Variants in MYCBP2 observed in about 807,000 individuals in gnomAD.
MYCBP2 encodes E3 ubiquitin-protein ligase MYCBP2.
MYCBP2 carries 120 observed loss-of-function variants against 525.3 expected under a neutral mutation model. The ratio of observed to expected loss-of-function variants is 0.23; its 90% confidence interval spans 0.20 to 0.27. The LOEUF (loss-of-function observed/expected upper bound fraction) is 0.27. Ranked by LOEUF, MYCBP2 falls within the 10% of genes least tolerant of loss-of-function variation. The pLI is 1.00. For synonymous variants in MYCBP2, 1,894 were observed against 1,955.8 expected (o/e 0.97, Z 0.83); for missense variants, 4,149 against 5,657.1 (o/e 0.73, Z 8.55).
At chr13:77,267,805 T>C (rs764292887) in intron 8 of MYCBP2, 36 bp downstream of exon 8, 3 of 1,471,592 alleles carry the variant, frequency 2.0e-6, no homozygotes, top group South Asian at 1.1e-5. Flanking sequence ...TTTCTTAAAA[T>C]TGCTTGTGGA....
At position 77,095,428 on chromosome 13, in the gene MYCBP2, T is replaced by C; in HGVS notation, c.10129A>G (p.Ser3377Gly). The part of the protein sequence containing the change: ...PAKPFQSQLP[S>G]VKEGISEDLP... ...TCCTCAGAAATGCCTTCTTTTACAC[T>C]GGGCAACTGAGATTGGAATGGCTTT... is the stretch of plus-strand genomic sequence containing the variant. Residue 3377 changes from serine (S) to glycine (G), a missense_variant, in exon 58 of 83, where the codon AGT becomes GGT. Physicochemically the swap from Ser to Gly is moderately conservative, Grantham distance 56. Transcript: ENST00000544440. 2 of 1,613,562 alleles carry C rather than the reference T, an allele frequency of 1.2e-6. No homozygotes were observed. Among genetic ancestry groups the C allele is most frequent in the Middle Eastern group, 1.7e-4 (1 of 6,054 alleles).
Position 77,201,643 on chromosome 13 carries a change from G to A in MYCBP2, c.3843+3613C>T, listed in dbSNP as rs564525831. ...TCCAAAATTGACCACATACTTGGAA[G>A]TAAAGCTCTCCTCAGCAAATGTAAA... On this transcript the variant is annotated intron_variant, in intron 26 of 82. Coordinates refer to ENST00000544440, the MANE Select transcript of MYCBP2 (RefSeq NM_015057.5). Among the ~76,000 whole-genome samples the A allele has an allele frequency of 7.3e-5, 11 of 150,928 alleles. No homozygotes were observed. The East Asian group carries it at 1.8e-3, about 24-fold the overall frequency.
At chr13:77,194,273 T>C in intron 26 of MYCBP2, 29 bp from the exon 27 acceptor site, 2 of 1,508,340 alleles carry the variant, frequency 1.3e-6, no homozygotes, top group African/African-American at 1.4e-5. Context: ...CAATCATTTA[T>C]ATAAATCAGC....
chr13:77,118,286 T>C, intron 55 of MYCBP2: 1 of 686,604 alleles, frequency 1.5e-6, no homozygotes, highest in Non-Finnish European at 2.6e-6. Context: ...GATAAGCAAC[T>C]CAGAACAAAG....
At chr13:77,163,107 A>T (rs546476781) in intron 43 of MYCBP2, among the ~76,000 whole-genome samples, 26 of 152,262 alleles carry the variant, frequency 1.7e-4, no homozygotes, top group Middle Eastern at 3.4e-3. Context: ...TACTTATTTA[A>T]CCAGTTCCCA....
chr13:77,099,016 G>C lies in MYCBP2; in HGVS notation c.8141-3C>G, dbSNP rs1566520890. ...TGTTGAGATGTTTCCTCGATCACCT[G>C]TATGGTCCATTTTACAGTGAAACTT... On this transcript the variant is annotated splice_region_variant and splice_polypyrimidine_tract_variant and intron_variant, in intron 55 of 82. Coordinates refer to ENST00000544440, the MANE Select transcript of MYCBP2 (RefSeq NM_015057.5). 6.2e-7 allele frequency: 1 copy of C among 1,601,236 alleles called. No individual in the cohort carries two copies. Among genetic ancestry groups the C allele is most frequent in the Admixed American group, 1.7e-5 (1 of 59,344 alleles).
At chr13:77,228,061 A>G (rs1302990313) in intron 18 of MYCBP2, among the ~76,000 whole-genome samples, 1 of 151,952 alleles carries the variant, frequency 6.6e-6, no homozygotes, top group Admixed American at 6.6e-5. Flanking sequence ...TATTTTATAT[A>G]TATATCTGTA....
chr13:77,067,544 A>G (rs952361822), intron 71 of MYCBP2, 37 bp downstream of exon 71: 14 of 1,599,834 alleles, frequency 8.8e-6, no homozygotes, highest in South Asian at 1.1e-5. Flanking sequence ...AGCTCACTCT[A>G]TTCTGTTTTG....
At chr13:77,124,443 T>A (rs1398019557) in intron 54 of MYCBP2, among the ~76,000 whole-genome samples, 1 of 152,204 alleles carries the variant, frequency 6.6e-6, no homozygotes, top group Non-Finnish European at 1.5e-5. Flanking sequence ...CCTAACTTCA[T>A]CCTATAAATT....
chr13:77,225,475 C>T lies in MYCBP2; in HGVS notation c.2817G>A (p.Glu939=). The T allele has an allele frequency of 1.9e-6, 3 of 1,613,798 alleles. No individual in the cohort carries two copies. In the African/African-American group the frequency reaches 4.0e-5, roughly 22 times the overall value. ...YPPGSVRFDC[E]LRAVQVSCGF... is the part of the protein sequence containing the mutation. Reference sequence around the variant, plus strand: ...CACAGCTGACTTGGACTGCCCGGAGCTCACAGTCAAATCGCACAGAGCCTG... The same window carrying T: ...CACAGCTGACTTGGACTGCCCGGAGTTCACAGTCAAATCGCACAGAGCCTG... The change falls in exon 19 of 83, where the codon GAG becomes GAA. Residue 939 remains glutamate (E), a synonymous_variant. Coordinates refer to ENST00000544440, the MANE Select transcript of MYCBP2 (RefSeq NM_015057.5).
At chr13:77,298,150 A>G (rs1237873948) in intron 1 of MYCBP2, among the ~76,000 whole-genome samples, 1 of 152,210 alleles carries the variant, frequency 6.6e-6, no homozygotes, top group Non-Finnish European at 1.5e-5. Flanking sequence ...CTGATTCATC[A>G]TACTCCAGCA....
At chr13:77,108,939 C>T (rs9530621) in intron 55 of MYCBP2, among the ~76,000 whole-genome samples, 4,086 of 152,154 alleles carry the variant, frequency 0.027, 76 homozygotes, top group Non-Finnish European at 0.039. Flanking sequence ...GTGATTCACC[C>T]GCCTCATCCT....
At chr13:77,284,997 G>A (rs2076588833) in intron 3 of MYCBP2, among the ~76,000 whole-genome samples, 1 of 152,172 alleles carries the variant, frequency 6.6e-6, no homozygotes, top group Non-Finnish European at 1.5e-5. Context: ...GTACTTGGTA[G>A]AAAATTCAGT....
intron 55 of MYCBP2, among the ~76,000 whole-genome samples, chr13:77,114,293 T>C (rs911129533): frequency 6.6e-6 from 1 of 152,172 alleles, no homozygotes; most frequent in Non-Finnish European, 1.5e-5. Context: ...GGACTTTTTC[T>C]ATATTTTCCT....
intron 2 of MYCBP2, among the ~76,000 whole-genome samples, chr13:77,294,530 G>T (rs1567183868): frequency 6.6e-6 from 1 of 151,952 alleles, no homozygotes; most frequent in African/African-American, 2.4e-5. Flanking sequence ...CGAATTGAAG[G>T]GGACAAAAGA....
At chr13:77,317,011 G>A (rs767681495) in intron 1 of MYCBP2, among the ~76,000 whole-genome samples, 3 of 151,688 alleles carry the variant, frequency 2.0e-5, no homozygotes, top group East Asian at 1.9e-4. Context: ...GTGCAGTGGC[G>A]CAATCTCGGC....
intron 26 of MYCBP2, among the ~76,000 whole-genome samples, chr13:77,197,088 CAGCTGA>C (rs1393579783): frequency 6.6e-6 from 1 of 152,130 alleles, no homozygotes; most frequent in Non-Finnish European, 1.5e-5. Context: ...GGGTTAAATT[CAGCTGA>C]CTGGTTAAGG....
intron 49 of MYCBP2, among the ~76,000 whole-genome samples, chr13:77,143,776 T>C (rs2055066159): frequency 6.6e-6 from 1 of 152,186 alleles, no homozygotes; most frequent in South Asian, 2.1e-4. Context: ...CTGGGTTATA[T>C]GGTACAGCCT....
At chr13:77,046,106 T>C (rs2035510671) in intron 82 of MYCBP2, among the ~76,000 whole-genome samples, 1 of 152,166 alleles carries the variant, frequency 6.6e-6, no homozygotes, top group Non-Finnish European at 1.5e-5. Context: ...AAAAACACTT[T>C]GGGGAAGATA....
Sources: gnomAD v4.1 joint callset for allele counts (sites outside exome capture counted in the v4.1 genomes callset) on GRCh38, gnomAD v4.1.1 for gene constraint, MANE v1.5 for transcripts, NCBI Gene and HGNC (gene_info 2026-07-23, HGNC 2026-07-21) for gene names.